The following C1GALT1 variants were observed in gnomAD, a reference collection of about 807,000 sequenced individuals.
The protein encoded by C1GALT1 is glycoprotein-N-acetylgalactosamine 3-beta-galactosyltransferase 1.
Under a neutral mutation model 31.0 loss-of-function variants are expected in C1GALT1, and 11 were observed. That is an observed-to-expected ratio of 0.36 (90% CI 0.22 to 0.59). The LOEUF (loss-of-function observed/expected upper bound fraction) is 0.59. Ranked by LOEUF, C1GALT1 falls within the 20% of genes least tolerant of loss-of-function variation. The pLI, the probability that C1GALT1 is intolerant of heterozygous loss-of-function variation, is 0.79. For missense variants in C1GALT1, 424 were observed against 425.2 expected (o/e 1.00, Z 0.03); for synonymous variants, 175 against 143.6 (o/e 1.22, Z -1.56).
In C1GALT1 at chr7:7,243,868, T is replaced by G; in HGVS notation, c.*141T>G. On this transcript the variant is annotated 3_prime_UTR_variant, in exon 4 of 4. Coordinates refer to ENST00000436587, the MANE Select transcript of C1GALT1 (RefSeq NM_020156.5). ...TATAGAAACCTTTCACATGAATGAC[T>G]ATAAACTGAAGCTTTAAATGAGCTG... The G allele has an allele frequency of 1.7e-6, 1 of 593,250 alleles. No individual in the cohort carries two copies. The highest frequency in any genetic ancestry group is 2.5e-5 in the South Asian group (1 of 40,342). 36.7% of individuals were successfully genotyped at this position (593,250 alleles called of 1,614,324 possible).
chr7:7,248,392 T>C lies in C1GALT1; in HGVS notation c.*4665T>C, dbSNP rs1783931174. On this transcript the variant is annotated 3_prime_UTR_variant, in exon 4 of 4. Coordinates refer to ENST00000436587, the MANE Select transcript of C1GALT1 (RefSeq NM_020156.5). ...ATTAGAGGGAAACTAATCTTACTGCTAAGCAGTGTGTTGTACTACATAGTG... is the reference window on the plus strand; with the variant it reads ...ATTAGAGGGAAACTAATCTTACTGCCAAGCAGTGTGTTGTACTACATAGTG... 1 of 152,024 alleles carries C rather than the reference T, an allele frequency of 6.6e-6. No individual in the cohort carries two copies. Among genetic ancestry groups the C allele is most frequent in the Admixed American group, 6.5e-5 (1 of 15,272 alleles). The allele number at this position is 152,024 out of a possible 1,614,324, so 9.4% of individuals were successfully genotyped here. A position where few individuals can be genotyped will look rare whatever the true frequency, so the allele number is the denominator to read the frequency against.
At chr7:7,159,336 AT>A (rs1158553033) in intron 2 of C1GALT1, among the ~76,000 whole-genome samples, 1 of 152,176 alleles carries the variant, frequency 6.6e-6, no homozygotes, top group Admixed American at 6.6e-5. Context: ...GAACTAAAAA[AT>A]AAAAAGGAAG....
At chr7:7,233,928 G>T (rs1008898) in intron 1 of C1GALT1, among the ~76,000 whole-genome samples, 43,415 of 152,026 alleles carry the variant, frequency 0.29, 7,261 homozygotes, top group East Asian at 0.53. Flanking sequence ...GGTTGGAGAA[G>T]GGGTGGTGGT....
At chr7:7,181,815 A>T (rs950346517), upstream of C1GALT1, among the ~76,000 whole-genome samples, 1 of 152,172 alleles carries the variant, frequency 6.6e-6, no homozygotes, top group Non-Finnish European at 1.5e-5. Flanking sequence ...AGTAAAGACT[A>T]AACCTTACCC....
chr7:7,183,623 A>G (rs886864242), intron 1 of C1GALT1: 9 of 982,322 alleles, frequency 9.2e-6, no homozygotes, highest in Middle Eastern at 5.2e-4. Context: ...AAAGATGACC[A>G]TAATTTAGCG....
Position 7,234,550 on chromosome 7 carries a change from C to T in C1GALT1, c.220+11C>T. The T allele has an allele frequency of 1.3e-6, 2 of 1,580,930 alleles. No individual in the cohort carries two copies. Among genetic ancestry groups the T allele is most frequent in the South Asian group, 2.2e-5 (2 of 89,936 alleles). On this transcript the variant is annotated intron_variant, in intron 2 of 3. Transcript: ENST00000436587. ...CTAGCCAACATAAAGGTATGGTTTACTTTATTAAGCAGTAAACATAAGCAG... is the reference window on the plus strand; with the variant it reads ...CTAGCCAACATAAAGGTATGGTTTATTTTATTAAGCAGTAAACATAAGCAG...
chr7:7,211,048 G>A (rs969966777), intron 1 of C1GALT1, among the ~76,000 whole-genome samples: 46 of 152,162 alleles, frequency 3.0e-4, no homozygotes, highest in South Asian at 1.2e-3. Context: ...CTGAAAAGGG[G>A]CATCATATGG....
In C1GALT1 at chr7:7,246,411, A is replaced by C. The variant is rs1313420478; in HGVS notation, c.*2684A>C. ...AGTAATAGTCAAATTAACCCAGCCA[A>C]ATTGTCACAGTGATTCTTAAACTGT... is the stretch of plus-strand genomic sequence containing the variant. On this transcript the variant is annotated 3_prime_UTR_variant, in exon 4 of 4. Transcript: ENST00000436587. The C allele has an allele frequency of 3.3e-5, 5 of 152,144 alleles. No homozygotes were observed. The highest frequency in any genetic ancestry group is 2.0e-4 in the Admixed American group (3 of 15,274). 9.4% of individuals were successfully genotyped at this position (152,144 alleles called of 1,614,324 possible). A position where few individuals can be genotyped will look rare whatever the true frequency, so the allele number is the denominator to read the frequency against.
rs1783759480 is a variant in C1GALT1 at position 7,244,307 on chromosome 7, G to C, written c.*580G>C. The C allele has an allele frequency of 6.6e-6, 1 of 151,932 alleles. No homozygotes were observed. The highest frequency in any genetic ancestry group is 1.5e-5 in the Non-Finnish European group (1 of 67,932). The allele number at this position is 151,932 out of a possible 1,614,324, so 9.4% of individuals were successfully genotyped here. ...TCCAGAAGAAGCTAAAATAAGACTG[G>C]CACTTACCCTGAAGTGCATTAATAA... On this transcript the variant is annotated 3_prime_UTR_variant, in exon 4 of 4. Transcript: ENST00000436587.
At chr7:7,231,596 A>G (rs925989912) in intron 1 of C1GALT1, among the ~76,000 whole-genome samples, 1 of 152,144 alleles carries the variant, frequency 6.6e-6, no homozygotes, top group Non-Finnish European at 1.5e-5. Flanking sequence ...TTCTATGCCT[A>G]ATTTCTTAAT....
At chr7:7,236,317 A>G (rs1020654307) in intron 2 of C1GALT1, among the ~76,000 whole-genome samples, 4 of 152,150 alleles carry the variant, frequency 2.6e-5, no homozygotes, top group African/African-American at 9.7e-5. Flanking sequence ...GCGGTGGACA[A>G]ACCTGTCTTA....
At chr7:7,179,859 CAA>C (rs34406199), upstream of C1GALT1, among the ~76,000 whole-genome samples, 24 of 95,972 alleles carry the variant, frequency 2.5e-4, no homozygotes, top group Admixed American at 3.0e-4. Context: ...GTTTCAGGTT[CAA>C]AAAAAAAAAA....
intron 1 of C1GALT1, among the ~76,000 whole-genome samples, chr7:7,212,943 T>A (rs1782072881): frequency 6.6e-6 from 1 of 152,180 alleles, no homozygotes; most frequent in African/African-American, 2.4e-5. Context: ...CCAAATTTTG[T>A]TTACAGTAGT....
intron 3 of C1GALT1, among the ~76,000 whole-genome samples, chr7:7,241,439 ACTATT>A (rs1171209052): frequency 6.6e-6 from 1 of 152,020 alleles, no homozygotes; most frequent in Non-Finnish European, 1.5e-5. Context: ...GTTTTAAGTT[ACTATT>A]CTAAGGGCAA....
At chr7:7,203,254 A>G (rs1343389365) in intron 1 of C1GALT1, among the ~76,000 whole-genome samples, 2 of 152,056 alleles carry the variant, frequency 1.3e-5, no homozygotes, top group East Asian at 1.9e-4. Context: ...AATAGAAGTG[A>G]TGAAATCAGG....
At chr7:7,193,661 T>A (rs1384072174) in intron 1 of C1GALT1, among the ~76,000 whole-genome samples, 3 of 152,070 alleles carry the variant, frequency 2.0e-5, no homozygotes, top group African/African-American at 4.8e-5. Context: ...CTATGTGTGT[T>A]CCTTTTCAGT....
At chr7:7,161,989 G>C (rs913608493) in intron 2 of C1GALT1, among the ~76,000 whole-genome samples, 6 of 151,354 alleles carry the variant, frequency 4.0e-5, no homozygotes, top group African/African-American at 1.5e-4. Flanking sequence ...AATTGTCATT[G>C]ATCAGCATGG....
chr7:7,182,390 C>T (rs950856856), upstream of C1GALT1, among the ~76,000 whole-genome samples: 1 of 152,232 alleles, frequency 6.6e-6, no homozygotes, highest in Non-Finnish European at 1.5e-5. Context: ...ATCTACTGCT[C>T]GTGCAAGATC....
chr7:7,233,559 C>A (rs1297771109), intron 1 of C1GALT1, among the ~76,000 whole-genome samples: 1 of 152,204 alleles, frequency 6.6e-6, no homozygotes, highest in Non-Finnish European at 1.5e-5. Context: ...AGGCATGAGC[C>A]ACTGTGCCTA....
Sources: allele counts gnomAD v4.1 joint callset (sites outside exome capture counted in the v4.1 genomes callset), GRCh38; gene constraint gnomAD v4.1.1; transcripts MANE v1.5; gene names NCBI Gene and HGNC (gene_info 2026-07-23, HGNC 2026-07-21).